The following CACNA1S variants were observed in gnomAD, a reference collection of about 807,000 sequenced individuals.
CACNA1S encodes voltage-dependent L-type calcium channel subunit alpha-1S.
Under a neutral mutation model 207.4 loss-of-function variants are expected in CACNA1S, and 126 were observed. That is an observed-to-expected ratio of 0.61 (90% confidence interval 0.53 to 0.70). The LOEUF is 0.70. CACNA1S is among the 30% of genes least tolerant of loss of function. The probability of loss-of-function intolerance (pLI) is 0.00; values close to 1 mark genes in which losing one functional copy is unlikely to be tolerated. For synonymous variants in CACNA1S, 960 were observed against 932.7 expected, an observed-to-expected ratio of 1.03 and a Z score of -0.53; for missense variants, 2,349 against 2,422.8, an observed-to-expected ratio of 0.97 and a Z score of 0.64.
At chr1:201,064,661 G>GT (rs1293327198) in intron 22 of CACNA1S, among the ~76,000 whole-genome samples, 4 of 152,338 alleles carry the variant, frequency 2.6e-5, no homozygotes, top group African/African-American at 9.6e-5. Flanking sequence ...CATGCAGGAA[G>GT]TATCAAGGGT....
At chr1:201,048,884 GGGGACCCA>G (rs1478909913) in intron 35 of CACNA1S, 111 bp downstream of exon 35, 19 of 896,890 alleles carry the variant, frequency 2.1e-5, no homozygotes, top group Non-Finnish European at 2.5e-5. Context: ...GGAGGAACTT[GGGGACCCA>G]GGAGATCCCG....
At chr1:201,061,882 G>T in intron 24 of CACNA1S, 62 bp downstream of exon 24, 1 of 1,594,460 alleles carries the variant, frequency 6.3e-7, no homozygotes, top group Non-Finnish European at 8.6e-7. Context: ...AGAAGGGCAG[G>T]CTGGCTGCCT....
rs951255670 is a variant in CACNA1S at position 201,085,640 on chromosome 1, A to G, written c.1005-59T>C. On this transcript the variant is annotated intron_variant, in intron 7 of 43. Transcript: ENST00000362061. Reference sequence around the variant, plus strand: ...GAAGAGGGAACAGTGTCAAGGAAAGACTGAGCTTCCTGAGGACAGACAAGC... The same window carrying G: ...GAAGAGGGAACAGTGTCAAGGAAAGGCTGAGCTTCCTGAGGACAGACAAGC... The G allele has an allele frequency of 6.3e-6, 10 of 1,596,500 alleles. No homozygotes were observed. The African/African-American group carries it at 1.2e-4, about 19-fold the overall frequency.
intron 1 of CACNA1S, among the ~76,000 whole-genome samples, chr1:201,111,986 G>A (rs879463786): frequency 1.4e-3 from 11 of 8,076 alleles, no homozygotes; most frequent in Admixed American, 4.9e-3. Flanking sequence ...CACCCTCCTC[G>A]TCTTCCTCCT....
intron 12 of CACNA1S, 22 bp downstream of exon 12, chr1:201,076,898 G>A: frequency 6.2e-7 from 1 of 1,604,450 alleles, no homozygotes; most frequent in Non-Finnish European, 8.5e-7. Flanking sequence ...CAGAAGGAGG[G>A]ACACGCAGAG....
chr1:201,056,695 G>A (rs565204218), intron 28 of CACNA1S, among the ~76,000 whole-genome samples: 4 of 152,190 alleles, frequency 2.6e-5, no homozygotes, highest in African/African-American at 7.2e-5. Flanking sequence ...ACCCTCCTTC[G>A]TTGCAGCAAC....
rs1661086623 is a variant in CACNA1S, at chr1:201,062,457, T to C, written c.2906+5A>G. The C allele has an allele frequency of 6.2e-7, 1 of 1,612,868 alleles. No individual in the cohort carries two copies. The highest frequency in any genetic ancestry group is 8.5e-7 in the Non-Finnish European group (1 of 1,179,490). ...CCGTCCCACTGTGCTCCCTGCCCCATGTACCTGCACTCCTCCTCTGTCATC... is the reference window on the plus strand; with the variant it reads ...CCGTCCCACTGTGCTCCCTGCCCCACGTACCTGCACTCCTCCTCTGTCATC... On this transcript the variant is annotated splice_donor_5th_base_variant and intron_variant, in intron 23 of 43. Transcript: ENST00000362061.
chr1:201,091,787 G>T lies in CACNA1S; in HGVS notation c.547C>A (p.Gln183Lys), dbSNP rs1662243315. 1 of 1,613,420 alleles carries T rather than the reference G, an allele frequency of 6.2e-7. No homozygotes were observed. Among genetic ancestry groups the T allele is most frequent in the African/African-American group, 1.3e-5 (1 of 74,932 alleles). The change falls in exon 5 of 44, where the codon CAG (glutamine) becomes AAG (lysine). Residue 183 changes from glutamine (Q) to lysine (K), a missense_variant. Physicochemically the swap from Gln to Lys is moderately conservative, Grantham distance 53. Coordinates refer to ENST00000362061, the MANE Select transcript of CACNA1S (RefSeq NM_000069.3). The part of the protein sequence containing the change: ...LRLVSGVPSL[Q>K]VVLNSIFKAM... ...TTGAAGATGGAGTTCAGGACCACCTGCAGGCCTGCAGAGGCAGGCAGGGAA... is the reference window on the plus strand; with the variant it reads ...TTGAAGATGGAGTTCAGGACCACCTTCAGGCCTGCAGAGGCAGGCAGGGAA...
intron 3 of CACNA1S, 32 bp from the exon 4 acceptor site, chr1:201,092,146 AG>A (rs1662257966): frequency 6.2e-7 from 1 of 1,614,034 alleles, no homozygotes; most frequent in African/African-American, 1.3e-5. Flanking sequence ...GAGGGGGTCC[AG>A]GGGTTGGAAA....
intron 27 of CACNA1S, among the ~76,000 whole-genome samples, chr1:201,058,718 G>A (rs989755272): frequency 6.6e-6 from 1 of 152,178 alleles, no homozygotes; most frequent in African/African-American, 2.4e-5. Flanking sequence ...AGAAAGTAGT[G>A]GTGGGGGGGA....
chr1:201,059,100 T>C (rs1660951294), intron 27 of CACNA1S, 89 bp downstream of exon 27: 3 of 829,316 alleles, frequency 3.6e-6, no homozygotes, highest in East Asian at 5.1e-5. Context: ...GGAGCCCTGA[T>C]AGGATGAGGG....
chr1:201,064,752 T>A (rs1010679180), intron 22 of CACNA1S, among the ~76,000 whole-genome samples: 5 of 152,216 alleles, frequency 3.3e-5, no homozygotes, highest in African/African-American at 9.6e-5. Flanking sequence ...AGGGTTTGTG[T>A]GAGGGACATC....
rs2102583515 is a variant in CACNA1S at position 201,066,882 on chromosome 1, C to T, written c.2657+5G>A. Reference sequence around the variant, plus strand: ...TGCCCAGGGCTGGCCCTTGCCGCTGCTCACTCAAGTCCCATGGAGATGAGG... The same window carrying T: ...TGCCCAGGGCTGGCCCTTGCCGCTGTTCACTCAAGTCCCATGGAGATGAGG... On this transcript the variant is annotated splice_donor_5th_base_variant and intron_variant, in intron 20 of 43. Coordinates refer to ENST00000362061, the MANE Select transcript of CACNA1S (RefSeq NM_000069.3). This position sits in a 1 kb window ranked among gnomAD's most constrained non-coding sequence, Gnocchi z 4.3. 6.2e-7 allele frequency: 1 copy of T among 1,610,272 alleles called. No individual in the cohort carries two copies. Among genetic ancestry groups the T allele is most frequent in the Non-Finnish European group, 8.5e-7 (1 of 1,176,446 alleles).
intron 32 of CACNA1S, 143 bp downstream of exon 32, chr1:201,052,414 G>C (rs764783139): frequency 1.5e-6 from 1 of 683,222 alleles, no homozygotes; most frequent in Non-Finnish European, 2.7e-6. Context: ...CAACCAAGCA[G>C]GGGACCCTTC....
At chr1:201,068,452 A>T (rs1661329596) in intron 19 of CACNA1S, among the ~76,000 whole-genome samples, 1 of 150,240 alleles carries the variant, frequency 6.7e-6, no homozygotes, top group Admixed American at 6.6e-5. Flanking sequence ...CATGTTGGCC[A>T]GGCTGGTCTG....
chr1:201,075,439 C>T, intron 13 of CACNA1S, 56 bp downstream of exon 13: 1 of 1,603,738 alleles, frequency 6.2e-7, no homozygotes, highest in Non-Finnish European at 8.5e-7. Context: ...CATTTTAAGC[C>T]CTTTCCCCCA....
chr1:201,079,880 GC>G (rs1342235020), intron 10 of CACNA1S, among the ~76,000 whole-genome samples: 2 of 152,142 alleles, frequency 1.3e-5, no homozygotes, highest in Non-Finnish European at 2.9e-5. Flanking sequence ...CCCAACAAAA[GC>G]TTTGGACTGA....
chr1:201,060,564 G>C (rs2102573159), intron 26 of CACNA1S, 94 bp downstream of exon 26: 1 of 1,336,966 alleles, frequency 7.5e-7, no homozygotes, highest in East Asian at 2.5e-5. Context: ...ATGTCTACTG[G>C]GGGGAATCCT....
At chr1:201,058,722 G>C (rs915047549) in intron 27 of CACNA1S, among the ~76,000 whole-genome samples, 2 of 152,108 alleles carry the variant, frequency 1.3e-5, no homozygotes, top group Non-Finnish European at 2.9e-5. Context: ...AGTAGTGGTG[G>C]GGGGGAGGGG....
Sources: gnomAD v4.1 joint callset for allele counts (sites outside exome capture counted in the v4.1 genomes callset) on GRCh38, gnomAD v4.1.1 for gene constraint, Gnocchi (gnomAD v3.1) non-coding constraint, MANE v1.5 for transcripts, NCBI Gene and HGNC (gene_info 2026-07-23, HGNC 2026-07-21) for gene names.